CTNND2: variants seen among roughly 807,000 people sequenced by gnomAD.
CTNND2 encodes catenin delta-2.
In CTNND2, 22 loss-of-function variants were observed where a neutral mutation model predicts 144.4. That is an observed-to-expected ratio of 0.15 (90% confidence interval 0.11 to 0.22). The LOEUF (loss-of-function observed/expected upper bound fraction) is 0.22. Among genes scored for constraint, CTNND2 ranks in the 10% least tolerant of loss-of-function variants. The probability of loss-of-function intolerance (pLI) is 1.00; values close to 1 mark genes in which losing one functional copy is unlikely to be tolerated. For synonymous variants in CTNND2, 751 were observed against 695.6 expected (o/e 1.08, Z -1.25); for missense variants, 1,353 against 1,618.8 (o/e 0.84, Z 2.82).
chr5:11,370,046 A>AT (rs1162077583), intron 7 of CTNND2, among the ~76,000 whole-genome samples: 2 of 152,188 alleles, frequency 1.3e-5, no homozygotes, highest in African/African-American at 2.4e-5. Flanking sequence ...GAATGAAAGG[A>AT]TTTTTTTAAC....
intron 16 of CTNND2, 71 bp from the exon 17 acceptor site, chr5:11,023,050 T>C: frequency 7.1e-7 from 1 of 1,399,306 alleles, no homozygotes; most frequent in Non-Finnish European, 1.0e-6. Context: ...CAGAGGTGGG[T>C]ATGGGGGAGA....
At chr5:11,250,898 T>A (rs192927069) in intron 9 of CTNND2, among the ~76,000 whole-genome samples, 3 of 152,252 alleles carry the variant, frequency 2.0e-5, no homozygotes, top group East Asian at 1.9e-4. Context: ...AAAGACTAAG[T>A]GGCAGAGACA....
At chr5:11,397,907 T>G (rs944037311) in intron 5 of CTNND2, among the ~76,000 whole-genome samples, 3 of 152,252 alleles carry the variant, frequency 2.0e-5, no homozygotes, top group African/African-American at 4.8e-5. Context: ...ACGTTGCATA[T>G]GAAATTGTGT....
intron 17 of CTNND2, among the ~76,000 whole-genome samples, chr5:11,018,384 A>T (rs1439046790): frequency 6.6e-6 from 1 of 152,150 alleles, no homozygotes; most frequent in Non-Finnish European, 1.5e-5. Flanking sequence ...ATGGCTCCCA[A>T]GTGTTCAAGT....
chr5:11,149,070 C>T (rs1757504362), intron 12 of CTNND2, among the ~76,000 whole-genome samples: 1 of 152,218 alleles, frequency 6.6e-6, no homozygotes, highest in African/African-American at 2.4e-5. Context: ...AGGAGAAACG[C>T]TGCCCTTCAA....
intron 3 of CTNND2, among the ~76,000 whole-genome samples, chr5:11,444,406 T>G (rs1764618706): frequency 6.6e-6 from 1 of 152,118 alleles, no homozygotes; most frequent in South Asian, 2.1e-4. Flanking sequence ...TCTCTAAAAA[T>G]CTGGTCATTC....
intron 6 of CTNND2, among the ~76,000 whole-genome samples, chr5:11,393,071 CT>C (rs1447057757): frequency 1.3e-5 from 2 of 152,166 alleles, no homozygotes; most frequent in Non-Finnish European, 2.9e-5. Flanking sequence ...ACACTTCCTT[CT>C]GAAAGAAGTG....
At chr5:11,833,677 C>G (rs886605096) in intron 1 of CTNND2, among the ~76,000 whole-genome samples, 4 of 152,136 alleles carry the variant, frequency 2.6e-5, no homozygotes, top group African/African-American at 9.7e-5. Context: ...GCACCCACGA[C>G]TACTCCCAGC....
At chr5:11,484,967 C>T (rs1211085805) in intron 3 of CTNND2, among the ~76,000 whole-genome samples, 2 of 152,106 alleles carry the variant, frequency 1.3e-5, no homozygotes, top group Non-Finnish European at 2.9e-5. Flanking sequence ...TTTATTTATA[C>T]CTGATTATAT....
chr5:11,350,849 T>C (rs1040599127), intron 8 of CTNND2, among the ~76,000 whole-genome samples: 3 of 152,228 alleles, frequency 2.0e-5, no homozygotes, highest in African/African-American at 7.2e-5. Flanking sequence ...AAAGTATATA[T>C]GTGAAAACAA....
rs556199762 is a variant in CTNND2 at position 11,619,966 on chromosome 5, T to A, written c.175-54910A>T. Among the ~76,000 whole-genome samples the A allele has an allele frequency of 5.3e-5, 8 of 152,334 alleles. No individual in the cohort carries two copies. In the South Asian group the frequency reaches 1.7e-3, roughly 32 times the overall value. ...TTTAGTGATTAGATATTTTCAAATA[T>A]GTTTTCAATAAATGTTTAAAATAAT... is the stretch of plus-strand genomic sequence containing the variant. On this transcript the variant is annotated intron_variant, in intron 2 of 21. Transcript: ENST00000304623.
At chr5:11,085,333 T>C (rs10076032) in intron 15 of CTNND2, among the ~76,000 whole-genome samples, 196 of 152,338 alleles carry the variant, frequency 1.3e-3, no homozygotes, top group African/African-American at 4.5e-3. Context: ...AGAAAATAGC[T>C]TTCATTTTGA....
intron 2 of CTNND2, among the ~76,000 whole-genome samples, chr5:11,594,185 C>T (rs1195939020): frequency 2.0e-5 from 3 of 152,142 alleles, no homozygotes; most frequent in Non-Finnish European, 2.9e-5. Flanking sequence ...GTATAGTACA[C>T]GTACACAGTG....
intron 1 of CTNND2, among the ~76,000 whole-genome samples, chr5:11,863,273 T>TGG (rs1285628418): frequency 2.0e-5 from 3 of 152,218 alleles, no homozygotes; most frequent in Non-Finnish European, 4.4e-5. Context: ...TTGTTGTTTC[T>TGG]TAGTGTAAAT....
At chr5:11,132,254 C>T (rs895735420) in intron 12 of CTNND2, among the ~76,000 whole-genome samples, 5 of 152,192 alleles carry the variant, frequency 3.3e-5, no homozygotes, top group African/African-American at 1.2e-4. Flanking sequence ...GCAGAAGCCG[C>T]TGTTATTCTG....
At chr5:11,610,297 T>C (rs1780253012) in intron 2 of CTNND2, among the ~76,000 whole-genome samples, 1 of 152,198 alleles carries the variant, frequency 6.6e-6, no homozygotes, top group African/African-American at 2.4e-5. Context: ...AAAAGCTTCA[T>C]CTCGCCTCAT....
chr5:11,458,505 T>C (rs544089129), intron 3 of CTNND2, among the ~76,000 whole-genome samples: 5 of 152,328 alleles, frequency 3.3e-5, no homozygotes, highest in Non-Finnish European at 7.3e-5. Context: ...CCCTTGAGGA[T>C]GTGAAATCTC....
At chr5:11,765,471 G>A (rs1016556322) in intron 1 of CTNND2, among the ~76,000 whole-genome samples, 2 of 152,184 alleles carry the variant, frequency 1.3e-5, no homozygotes, top group African/African-American at 4.8e-5. Context: ...GGAAAGAAAA[G>A]GAAAGCCAGG....
intron 9 of CTNND2, among the ~76,000 whole-genome samples, chr5:11,253,859 T>C (rs984878835): frequency 1.3e-5 from 2 of 152,218 alleles, no homozygotes; most frequent in African/African-American, 4.8e-5. Context: ...CAAAATCTAC[T>C]GGTTTGATTT....
Sources: gnomAD v4.1 joint callset for allele counts (sites outside exome capture counted in the v4.1 genomes callset) on GRCh38, gnomAD v4.1.1 for gene constraint, MANE v1.5 for transcripts, NCBI Gene and HGNC (gene_info 2026-07-23, HGNC 2026-07-21) for gene names.